Variants in FHIT observed in about 807,000 individuals in gnomAD.
FHIT encodes the protein bis(5'-adenosyl)-triphosphatase.
In FHIT, 19 loss-of-function variants were observed where a neutral mutation model predicts 17.9. The observed-to-expected ratio is 1.06, with a 90% CI of 0.74 to 1.56. The LOEUF (loss-of-function observed/expected upper bound fraction) is 1.56, where lower values mean the gene tolerates loss of function less well. Ranked by LOEUF, FHIT falls within the 40% of genes most tolerant of loss-of-function variation. FHIT has a pLI of 0.00. For synonymous variants in FHIT, 81 were observed against 69.7 expected, an observed-to-expected ratio of 1.16 and a Z score of -0.81; for missense variants, 248 against 189.2, an observed-to-expected ratio of 1.31 and a Z score of -1.82.
At chr3:59,973,713 A>G (rs1205835518) in intron 7 of FHIT, among the ~76,000 whole-genome samples, 1 of 152,122 alleles carries the variant, frequency 6.6e-6, no homozygotes, top group Non-Finnish European at 1.5e-5. Flanking sequence ...AAGTTCTGAG[A>G]ATATTTATAT....
chr3:60,323,443 G>C (rs1709523899), intron 5 of FHIT, among the ~76,000 whole-genome samples: 1 of 152,176 alleles, frequency 6.6e-6, no homozygotes, highest in African/African-American at 2.4e-5. Context: ...AGATCTCAGT[G>C]AGCCAGTGTC....
chr3:60,571,620 G>A (rs1053754573), intron 4 of FHIT, among the ~76,000 whole-genome samples: 9 of 152,222 alleles, frequency 5.9e-5, no homozygotes, highest in African/African-American at 2.2e-4. Flanking sequence ...ATTTCTCTAA[G>A]TGTAGAGTCA....
intron 8 of FHIT, among the ~76,000 whole-genome samples, chr3:59,906,744 C>G (rs1035544345): frequency 6.6e-6 from 1 of 152,136 alleles, no homozygotes; most frequent in Non-Finnish European, 1.5e-5. Context: ...TTGAATGATG[C>G]TATTGTTGTC....
intron 2 of FHIT, among the ~76,000 whole-genome samples, chr3:61,200,088 A>C (rs781397183): frequency 1.3e-5 from 2 of 152,190 alleles, no homozygotes. Flanking sequence ...CATTTCCTGT[A>C]ATTCATTTAG....
intron 5 of FHIT, among the ~76,000 whole-genome samples, chr3:60,281,637 G>A (rs1190462331): frequency 3.3e-5 from 5 of 149,942 alleles, no homozygotes; most frequent in Admixed American, 6.6e-5. Context: ...AAAAAGGGGG[G>A]ATCTACACAC....
intron 1 of FHIT, among the ~76,000 whole-genome samples, chr3:61,223,888 G>A (rs1319737502): frequency 8.2e-6 from 1 of 122,514 alleles, no homozygotes; most frequent in East Asian, 2.2e-4. Context: ...TACAGATAAG[G>A]GGAAAAATTC....
chr3:60,649,365 G>T (rs973816230), intron 4 of FHIT, among the ~76,000 whole-genome samples: 12 of 152,148 alleles, frequency 7.9e-5, no homozygotes, highest in Admixed American at 7.9e-4. Context: ...TGGCACCACT[G>T]CACTCCAGCC....
At chr3:61,211,495 T>A (rs1560079606) in intron 1 of FHIT, among the ~76,000 whole-genome samples, 1 of 152,166 alleles carries the variant, frequency 6.6e-6, no homozygotes, top group Non-Finnish European at 1.5e-5. Context: ...TAAACAAAGC[T>A]GCCAGGAAGC....
intron 3 of FHIT, among the ~76,000 whole-genome samples, chr3:60,940,487 T>G (rs1708364847): frequency 6.6e-6 from 1 of 152,182 alleles, no homozygotes; most frequent in African/African-American, 2.4e-5. Flanking sequence ...ACTGGATTTT[T>G]TAAAAATGGG....
intron 4 of FHIT, among the ~76,000 whole-genome samples, chr3:60,803,889 AG>A (rs781892738): frequency 1.3e-5 from 2 of 152,214 alleles, no homozygotes; most frequent in African/African-American, 4.8e-5. Context: ...AATCCAAATT[AG>A]CATGGTCCAT....
intron 1 of FHIT, among the ~76,000 whole-genome samples, chr3:61,238,728 T>C (rs775695905): frequency 3.9e-5 from 6 of 152,210 alleles, no homozygotes; most frequent in Non-Finnish European, 8.8e-5. Context: ...TTTAAAAATC[T>C]CTTGAAGCCA....
At chr3:61,239,440 C>A (rs1283140524) in intron 1 of FHIT, among the ~76,000 whole-genome samples, 2 of 152,124 alleles carry the variant, frequency 1.3e-5, no homozygotes, top group East Asian at 3.9e-4. Context: ...CTATTAATAC[C>A]AGCTCTTCAT....
chr3:61,123,965 G>T (rs2036536738), intron 2 of FHIT, among the ~76,000 whole-genome samples: 1 of 152,106 alleles, frequency 6.6e-6, no homozygotes. Flanking sequence ...GTCTCTTCTT[G>T]AGCCATCAGC....
intron 7 of FHIT, among the ~76,000 whole-genome samples, chr3:60,009,180 T>C (rs949919238): frequency 2.8e-5 from 3 of 108,076 alleles, no homozygotes; most frequent in African/African-American, 1.2e-4. Flanking sequence ...TGTGTGTGTG[T>C]GTGTGTGTGT....
intron 2 of FHIT, among the ~76,000 whole-genome samples, chr3:61,189,844 T>A (rs576370702): frequency 6.6e-6 from 1 of 152,304 alleles, no homozygotes. Context: ...AAGGATTCCC[T>A]ATTTAATAAA....
intron 5 of FHIT, among the ~76,000 whole-genome samples, chr3:60,191,825 C>CA (rs1702415098): frequency 1.3e-5 from 2 of 151,994 alleles, no homozygotes; most frequent in Non-Finnish European, 2.9e-5. Flanking sequence ...TTTAAAAAGT[C>CA]ATTTTTAAAC....
chr3:60,093,563 G>T (rs879323682), intron 5 of FHIT, among the ~76,000 whole-genome samples: 6 of 152,134 alleles, frequency 3.9e-5, no homozygotes, highest in Admixed American at 6.5e-5. Flanking sequence ...TGGTAGGAGG[G>T]GGGTATTCTA....
intron 4 of FHIT, among the ~76,000 whole-genome samples, chr3:60,673,531 C>T (rs187406734): frequency 2.4e-4 from 37 of 151,586 alleles, no homozygotes; most frequent in African/African-American, 8.5e-4. Flanking sequence ...GGATGGGGGG[C>T]AGCGGTGGGA....
intron 5 of FHIT, among the ~76,000 whole-genome samples, chr3:60,451,528 G>C (rs2107370879): frequency 6.6e-6 from 1 of 152,176 alleles, no homozygotes; most frequent in Admixed American, 6.5e-5. Flanking sequence ...TACACTTTTG[G>C]TGCTATTTTC....
Sources: gnomAD v4.1 joint callset for allele counts (sites outside exome capture counted in the v4.1 genomes callset) on GRCh38, gnomAD v4.1.1 for gene constraint, MANE v1.5 for transcripts, NCBI Gene and HGNC (gene_info 2026-07-23, HGNC 2026-07-21) for gene names.